ANKRD13C: variants seen among roughly 807,000 people sequenced by gnomAD.
The protein encoded by ANKRD13C is ankyrin repeat domain 13C.
In ANKRD13C, 16 loss-of-function variants were observed where a neutral mutation model predicts 65.5. The ratio of observed to expected loss-of-function variants is 0.24; its 90% CI spans 0.17 to 0.37. ANKRD13C has a LOEUF of 0.37. ANKRD13C is among the 10% of genes least tolerant of loss of function. The pLI is 1.00. For missense variants in ANKRD13C, 503 were observed against 655.9 expected (o/e 0.77, Z 2.55); for synonymous variants, 235 against 238.7 (o/e 0.98, Z 0.14).
Position 70,354,176 on chromosome 1 carries a change from A to C in ANKRD13C, c.233T>G (p.Leu78Arg). 3 of 1,614,112 alleles carry C rather than the reference A, an allele frequency of 1.9e-6. No homozygotes were observed. Among genetic ancestry groups the C allele is most frequent in the Non-Finnish European group, 2.5e-6 (3 of 1,180,024 alleles). Residue 78 changes from leucine to arginine, a missense_variant, in exon 1 of 13, where the codon CTG becomes CGG. Coordinates refer to ENST00000370944, the MANE Select transcript of ANKRD13C (RefSeq NM_030816.5). ...ASSNPPGAPALPLHNSSVTAN... is the reference protein window; with the variant it reads ...ASSNPPGAPARPLHNSSVTAN... ...AGTCACGGAGGAATTGTGCAGCGGCAGAGCCGGGGCGCCGGGGGGATTGGA... is the reference window on the plus strand; with the variant it reads ...AGTCACGGAGGAATTGTGCAGCGGCCGAGCCGGGGCGCCGGGGGGATTGGA...
chr1:70,308,155 T>A (rs1208943215), intron 5 of ANKRD13C, among the ~76,000 whole-genome samples: 1 of 151,954 alleles, frequency 6.6e-6, no homozygotes, highest in Non-Finnish European at 1.5e-5. Context: ...CTTCATTATA[T>A]CTCATTACTT....
chr1:70,345,793 C>T (rs1682503751), intron 1 of ANKRD13C, among the ~76,000 whole-genome samples: 1 of 152,288 alleles, frequency 6.6e-6, no homozygotes, highest in East Asian at 1.9e-4. Context: ...CAACAAATAA[C>T]TGTCACTTGT....
chr1:70,288,279 C>T (rs1572059247), intron 9 of ANKRD13C, among the ~76,000 whole-genome samples: 2 of 152,214 alleles, frequency 1.3e-5, no homozygotes, highest in African/African-American at 4.8e-5. Flanking sequence ...AAAACTGGAT[C>T]ATTCATACAC....
Position 70,353,412 on chromosome 1 carries a change from A to T in ANKRD13C, c.430+567T>A, listed in dbSNP as rs897999901. ...AAATCGGCTGTTGAGAAGTCACTTT[A>T]ACTGTTCTACGTATCAAATACCAAC... On this transcript the variant is annotated intron_variant, in intron 1 of 12. Transcript: ENST00000370944. Among the ~76,000 whole-genome samples the T allele has an allele frequency of 2.0e-5, 3 of 152,232 alleles. No homozygotes were observed. In the East Asian group the frequency reaches 5.8e-4, roughly 29 times the overall value.
intron 1 of ANKRD13C, among the ~76,000 whole-genome samples, chr1:70,353,709 G>C (rs1682855004): frequency 2.0e-5 from 3 of 152,114 alleles, no homozygotes; most frequent in Admixed American, 2.0e-4. Context: ...TGACAGTCCA[G>C]AATCAGCAAA....
intron 5 of ANKRD13C, among the ~76,000 whole-genome samples, chr1:70,313,529 A>C (rs79581904): frequency 6.9e-6 from 1 of 145,792 alleles, no homozygotes; most frequent in Admixed American, 6.8e-5. Flanking sequence ...ACTTGTCTCA[A>C]AAAAAAAAAA....
At chr1:70,276,868 A>G in intron 9 of ANKRD13C, 24 bp from the exon 10 acceptor site, 1 of 1,547,624 alleles carries the variant, frequency 6.5e-7, no homozygotes, top group Non-Finnish European at 8.8e-7. Context: ...AAAAGAAAGA[A>G]AGTGGGGTGG....
chr1:70,321,756 C>G (rs1052362120), intron 3 of ANKRD13C, among the ~76,000 whole-genome samples: 9 of 152,154 alleles, frequency 5.9e-5, no homozygotes, highest in Non-Finnish European at 8.8e-5. Flanking sequence ...GGCAGAAAAG[C>G]AACATAATCT....
At chr1:70,273,728 C>T (rs1028435156) in intron 11 of ANKRD13C, among the ~76,000 whole-genome samples, 1 of 151,702 alleles carries the variant, frequency 6.6e-6, no homozygotes, top group African/African-American at 2.4e-5. Flanking sequence ...ACGATCTTGA[C>T]TCACTGCAAC....
At chr1:70,329,348 C>T (rs1455566228) in intron 2 of ANKRD13C, among the ~76,000 whole-genome samples, 1 of 151,980 alleles carries the variant, frequency 6.6e-6, no homozygotes, top group Non-Finnish European at 1.5e-5. Context: ...TAGTGAAACC[C>T]CATCTTTACT....
chr1:70,265,708 C>T (rs903037555), intron 12 of ANKRD13C, among the ~76,000 whole-genome samples: 4 of 150,628 alleles, frequency 2.7e-5, no homozygotes, highest in Non-Finnish European at 5.9e-5. Context: ...GTCTGTGGTC[C>T]CAGCTACTTG....
At chr1:70,266,644 T>C (rs1029814892) in intron 12 of ANKRD13C, among the ~76,000 whole-genome samples, 4 of 152,242 alleles carry the variant, frequency 2.6e-5, no homozygotes, top group Admixed American at 6.5e-5. Context: ...AATTTCATTT[T>C]CATTCAGTTC....
intron 1 of ANKRD13C, among the ~76,000 whole-genome samples, chr1:70,349,878 GT>G (rs966934286): frequency 6.6e-6 from 1 of 152,196 alleles, no homozygotes. Flanking sequence ...GCTCATGCCT[GT>G]AATCCCAGCA....
At chr1:70,265,224 C>G (rs1678563691) in intron 12 of ANKRD13C, among the ~76,000 whole-genome samples, 1 of 151,956 alleles carries the variant, frequency 6.6e-6, no homozygotes, top group African/African-American at 2.4e-5. Context: ...TACAAGGTGA[C>G]AAGAGTGAAG....
chr1:70,341,278 A>G (rs1682295877), intron 1 of ANKRD13C, among the ~76,000 whole-genome samples: 1 of 149,562 alleles, frequency 6.7e-6, no homozygotes, highest in Admixed American at 6.7e-5. Context: ...GTAAGACAAT[A>G]TTTGTCTTTT....
chr1:70,291,488 T>C (rs542635704), intron 9 of ANKRD13C, among the ~76,000 whole-genome samples: 2 of 152,356 alleles, frequency 1.3e-5, no homozygotes, highest in African/African-American at 4.8e-5. Context: ...ATACATCTTT[T>C]ATTTCCTAAT....
intron 1 of ANKRD13C, among the ~76,000 whole-genome samples, chr1:70,341,874 G>C (rs1404388763): frequency 6.6e-6 from 1 of 151,910 alleles, no homozygotes; most frequent in Non-Finnish European, 1.5e-5. Flanking sequence ...GGATTGGAGG[G>C]GGACATAGGG....
At position 70,354,266 on chromosome 1, in the gene ANKRD13C, T is replaced by C. The variant is rs1682895372; in HGVS notation, c.143A>G (p.Lys48Arg). The stretch of plus-strand genomic sequence containing the variant: ...GTTACTGAAGATCTTATGACAAGCT[T>C]TGCCGCCCTTGCCAATCCTGCTTCT... ...FTRSRIGKGG[K>R]ACHKIFSNHH... The change falls in exon 1 of 13, where the codon AAA (lysine) becomes AGA (arginine). Residue 48 changes from lysine to arginine, a missense_variant. Transcript: ENST00000370944. 3.7e-6 allele frequency: 6 copies of C among 1,613,680 alleles called. No homozygotes were observed. The highest frequency in any genetic ancestry group is 5.1e-6 in the Non-Finnish European group (6 of 1,180,002).
In ANKRD13C at chr1:70,335,823, A is replaced by G. The variant is rs1047202836; in HGVS notation, c.472+235T>C. 1.1e-4 allele frequency among the ~76,000 whole-genome samples: 16 copies of G among 151,502 alleles called. No individual in the cohort carries two copies. The East Asian group carries it at 1.3e-3, about 13-fold the overall frequency. ...CTTGATAAAACAACCAAGTAAGGGG[A>G]AAAAAAACATAGTTTCAAAAGACAT... On this transcript the variant is annotated intron_variant, in intron 2 of 12. Transcript: ENST00000370944.
Sources: allele counts gnomAD v4.1 joint callset (sites outside exome capture counted in the v4.1 genomes callset), GRCh38; gene constraint gnomAD v4.1.1; transcripts MANE v1.5; gene names NCBI Gene and HGNC (gene_info 2026-07-23, HGNC 2026-07-21).